Variants in CD72 observed in about 807,000 individuals in gnomAD.
The protein encoded by CD72 is CD72 molecule, also known as B-cell differentiation antigen CD72.
CD72 carries 28 observed loss-of-function variants against 50.7 expected under a neutral mutation model. That is an observed-to-expected ratio of 0.55 (90% CI 0.41 to 0.76). CD72 has a LOEUF of 0.76. Among genes scored for constraint, CD72 ranks in the 30% least tolerant of loss-of-function variants. CD72 has a pLI of 0.00. For synonymous variants in CD72, 176 were observed against 171.2 expected, an observed-to-expected ratio of 1.03 and a Z score of -0.22; for missense variants, 403 against 420.6, an observed-to-expected ratio of 0.96 and a Z score of 0.37.
Position 35,641,998 on chromosome 9 carries a change from T to G in CD72, n.408+4405A>C, listed in dbSNP as rs574585417. 1.1e-4 allele frequency among the ~76,000 whole-genome samples: 16 copies of G among 152,350 alleles called. No homozygotes were observed. The South Asian group carries it at 3.3e-3, about 32-fold the overall frequency. ...CCTTTTCCCTTCTCCTAATTCTAGT[T>G]CCCGAGTGAGGGCTATTAGTTCTGC... On this transcript the variant is annotated intron_variant and non_coding_transcript_variant, in intron 1 of 3. Transcript: ENST00000465754.
chr9:35,637,158 C>A (rs1587909010), intron 1 of CD72, among the ~76,000 whole-genome samples: 1 of 152,212 alleles, frequency 6.6e-6, no homozygotes, highest in Admixed American at 6.5e-5. Flanking sequence ...AGATCTACCC[C>A]CTGCCCGCAA....
At chr9:35,620,241 C>G (rs901200674), upstream of CD72, among the ~76,000 whole-genome samples, 1 of 152,044 alleles carries the variant, frequency 6.6e-6, no homozygotes, top group African/African-American at 2.4e-5. Flanking sequence ...AATGCCAAAA[C>G]CAAGCTTCTA....
intron 1 of CD72, among the ~76,000 whole-genome samples, chr9:35,627,410 G>A (rs1284139940): frequency 6.6e-6 from 1 of 151,870 alleles, no homozygotes; most frequent in Admixed American, 6.6e-5. Flanking sequence ...GATTACAGGC[G>A]AGAGCCACTG....
In CD72 at chr9:35,617,195, A is replaced by G. The variant is rs1823079109; in HGVS notation, c.243T>C (p.Ala81=). ...ACTCACAGGGGAGAATCCGCCCGAC[A>G]GCTGGTGACGTCACGGCTCTCCAGG... ...TASWRAVTSP[A]VGRILPCRTT... is the part of the protein sequence containing the mutation. Residue 81 remains alanine, a synonymous_variant, in exon 3 of 9, where the codon GCT becomes GCC. Transcript: ENST00000259633. The G allele has an allele frequency of 4.5e-6, 7 of 1,567,888 alleles. No individual in the cohort carries two copies. Among genetic ancestry groups the G allele is most frequent in the Admixed American group, 3.7e-5 (2 of 53,826 alleles).
In CD72 at chr9:35,618,087, G is replaced by A. The variant is rs373358863; in HGVS notation, c.117C>T (p.Tyr39=). 16 of 1,613,948 alleles carry A rather than the reference G, an allele frequency of 9.9e-6. No individual in the cohort carries two copies. Among genetic ancestry groups the A allele is most frequent in the South Asian group, 6.6e-5 (6 of 91,084 alleles). ...PGADDDGEIT[Y]ENVQVPAVLG... ...GGACTGCGGGCACTTGAACATTCTC[G>A]TAGGTGATTTCCCCATCATCATCAG... Residue 39 remains tyrosine (Y), a synonymous_variant, in exon 2 of 9, where the codon TAC becomes TAT. Coordinates refer to ENST00000259633, the MANE Select transcript of CD72 (RefSeq NM_001782.3).
At chr9:35,629,052 T>G (rs913611140) in intron 1 of CD72, among the ~76,000 whole-genome samples, 7 of 152,014 alleles carry the variant, frequency 4.6e-5, no homozygotes, top group South Asian at 2.1e-4. Flanking sequence ...TTAAATTTTT[T>G]TTTTTTAAGA....
chr9:35,641,386 C>T (rs893884036), intron 1 of CD72, among the ~76,000 whole-genome samples: 3 of 151,490 alleles, frequency 2.0e-5, no homozygotes, highest in Non-Finnish European at 2.9e-5. Flanking sequence ...GCCTGCAGTG[C>T]AGGGAATTAC....
At chr9:35,610,793 A>T in intron 7 of CD72, 40 bp from the exon 8 acceptor site, 1 of 1,556,490 alleles carries the variant, frequency 6.4e-7, no homozygotes. Flanking sequence ...TGCTCTGGAC[A>T]TATCCCACCC....
chr9:35,612,706 CA>C, intron 6 of CD72, 141 bp downstream of exon 6: 1 of 772,344 alleles, frequency 1.3e-6, no homozygotes, highest in South Asian at 1.8e-5. Flanking sequence ...GCTCAGAGGT[CA>C]AGAGTATTAT....
At chr9:35,613,058 T>C (rs1217959517) in intron 5 of CD72, 65 bp from the exon 6 acceptor site, 54 of 1,369,538 alleles carry the variant, frequency 3.9e-5, no homozygotes, top group Middle Eastern at 1.8e-4. Context: ...CAGCAATCTT[T>C]TGCTAACAAT....
At chr9:35,639,387 G>T (rs1823319539) in intron 1 of CD72, among the ~76,000 whole-genome samples, 1 of 152,152 alleles carries the variant, frequency 6.6e-6, no homozygotes, top group Non-Finnish European at 1.5e-5. Flanking sequence ...CATGTTGAAG[G>T]TAAGACCATC....
intron 1 of CD72, among the ~76,000 whole-genome samples, chr9:35,628,500 A>G (rs992797477): frequency 6.6e-6 from 1 of 152,246 alleles, no homozygotes. Flanking sequence ...GCATGAATTT[A>G]ACACAAGACA....
Position 35,616,043 on chromosome 9 carries a change from C to G in CD72, c.588G>C (p.Lys196Asn). ...QACQADRQKT[K>N]ETLQSEEQQR... ...GTTGCTCCTCACTTTGCAAGGTCTC[C>G]TTCGTCTTCTGTCTGTCTGCCTGGC... The change falls in exon 5 of 9, where the codon AAG (lysine) becomes AAC (asparagine). Residue 196 changes from lysine (K) to asparagine (N), a missense_variant. Lys to Asn is a moderately conservative substitution (Grantham distance 94). Coordinates refer to ENST00000259633, the MANE Select transcript of CD72 (RefSeq NM_001782.3). 3.1e-6 allele frequency: 5 copies of G among 1,614,156 alleles called. No homozygotes were observed. Among genetic ancestry groups the G allele is most frequent in the Non-Finnish European group, 4.2e-6 (5 of 1,180,032 alleles).
chr9:35,610,438 C>T, intron 8 of CD72, 138 bp from the exon 9 acceptor site: 1 of 265,628 alleles, frequency 3.8e-6, no homozygotes, highest in Non-Finnish European at 7.6e-6. Context: ...TCCCTCCCTG[C>T]CCACCCCACC....
chr9:35,616,614 C>A lies in CD72; in HGVS notation c.338G>T (p.Cys113Phe), dbSNP rs777011557. The A allele has an allele frequency of 7.4e-6, 12 of 1,613,852 alleles. No individual in the cohort carries two copies. In the South Asian group the frequency reaches 1.3e-4, roughly 18 times the overall value. The change falls in exon 4 of 9, where the codon TGC becomes TTC. Residue 113 changes from cysteine to phenylalanine, a missense_variant. Coordinates refer to ENST00000259633, the MANE Select transcript of CD72 (RefSeq NM_001782.3). ...TCLLLGVTAI[C>F]LGVRYLQVSQ... Reference sequence around the variant, plus strand: ...GCCTTACTCACAGCGCACTCCCAGGCAGATGGCGGTCACTCCTAACAGCAG... The same window carrying A: ...GCCTTACTCACAGCGCACTCCCAGGAAGATGGCGGTCACTCCTAACAGCAG...
intron 3 of CD72, 188 bp downstream of exon 3, chr9:35,616,988 G>C (rs1001134573): frequency 2.8e-6 from 4 of 1,443,798 alleles, no homozygotes; most frequent in Non-Finnish European, 3.6e-6. Flanking sequence ...ACCATCCGCA[G>C]GGGGGCGGTG....
chr9:35,610,809 T>TC, intron 7 of CD72, 56 bp from the exon 8 acceptor site: 1 of 1,429,046 alleles, frequency 7.0e-7, no homozygotes, highest in Non-Finnish European at 9.7e-7. Flanking sequence ...CACCCTCCCT[T>TC]CTCTCCCCTT....
At chr9:35,619,843 G>A (rs553884440), upstream of CD72, among the ~76,000 whole-genome samples, 85 of 152,280 alleles carry the variant, frequency 5.6e-4, no homozygotes, top group African/African-American at 1.7e-3. Context: ...CAGAAAAGTC[G>A]TCAAAGGTCA....
chr9:35,632,436 C>T (rs1823254100), intron 1 of CD72, among the ~76,000 whole-genome samples: 1 of 152,082 alleles, frequency 6.6e-6, no homozygotes, highest in Admixed American at 6.6e-5. Context: ...TCCCAAAGTG[C>T]TGGGATTACA....
Sources: allele counts gnomAD v4.1 joint callset (sites outside exome capture counted in the v4.1 genomes callset), GRCh38; gene constraint gnomAD v4.1.1; transcripts MANE v1.5; gene names NCBI Gene and HGNC (gene_info 2026-07-23, HGNC 2026-07-21).